WWC2: variants seen among roughly 807,000 people sequenced by gnomAD.
WWC2 encodes the protein WW and C2 domain containing 2, also known as protein WWC2.
In WWC2, 101 loss-of-function variants were observed where a neutral mutation model predicts 138.5. The ratio of observed to expected loss-of-function variants is 0.73; its 90% CI spans 0.62 to 0.86. The LOEUF (loss-of-function observed/expected upper bound fraction) is 0.86. Among genes scored for constraint, WWC2 ranks in the 40% least tolerant of loss-of-function variants. WWC2 has a pLI of 0.00. For missense variants in WWC2, 1,420 were observed against 1,419.4 expected (o/e 1.00, Z -0.01); for synonymous variants, 558 against 538.4 (o/e 1.04, Z -0.50).
intron 1 of WWC2, among the ~76,000 whole-genome samples, chr4:183,100,634 TCTC>T (rs1198331855): frequency 6.6e-6 from 1 of 152,224 alleles, no homozygotes; most frequent in Non-Finnish European, 1.5e-5. Context: ...TTTAGGTGCT[TCTC>T]CTATTTAACA....
intron 1 of WWC2, among the ~76,000 whole-genome samples, chr4:183,100,687 C>G (rs1052683264): frequency 2.0e-5 from 3 of 152,214 alleles, no homozygotes; most frequent in Non-Finnish European, 4.4e-5. Context: ...TACCTAACTA[C>G]TTTATAATCT....
intron 1 of WWC2, among the ~76,000 whole-genome samples, chr4:183,101,838 C>G (rs1224789038): frequency 6.6e-6 from 1 of 152,122 alleles, no homozygotes; most frequent in Non-Finnish European, 1.5e-5. Context: ...GTCTGCAGTA[C>G]TTTTGAACTG....
chr4:183,125,044 CG>C (rs1051031480), intron 1 of WWC2, among the ~76,000 whole-genome samples: 198 of 152,150 alleles, frequency 1.3e-3, no homozygotes, highest in African/African-American at 4.6e-3. Flanking sequence ...GGAGGGGACC[CG>C]GGGCTATGAG....
intron 1 of WWC2, among the ~76,000 whole-genome samples, chr4:183,159,161 T>G (rs1049288897): frequency 1.3e-5 from 2 of 152,240 alleles, no homozygotes; most frequent in Non-Finnish European, 2.9e-5. Context: ...CCAAATTTTG[T>G]GTTTTTAAAA....
intron 21 of WWC2, among the ~76,000 whole-genome samples, chr4:183,305,643 T>G (rs79771053): frequency 0.014 from 2,180 of 152,174 alleles, 29 homozygotes; most frequent in Non-Finnish European, 0.023. Flanking sequence ...GAAACCAACC[T>G]AGAATTCTGT....
intron 1 of WWC2, among the ~76,000 whole-genome samples, chr4:183,163,780 G>A (rs896384954): frequency 1.3e-5 from 2 of 152,066 alleles, no homozygotes; most frequent in African/African-American, 2.4e-5. Flanking sequence ...AAGAGATGGT[G>A]GGTATTTTCT....
chr4:183,208,266 G>T, intron 3 of WWC2, 110 bp downstream of exon 3: 1 of 1,169,364 alleles, frequency 8.6e-7, no homozygotes, highest in South Asian at 1.6e-5. Flanking sequence ...TCCCTCCTAA[G>T]CAGGAAGAGT....
At chr4:183,196,837 A>AC (rs1180843693) in intron 2 of WWC2, among the ~76,000 whole-genome samples, 1 of 150,860 alleles carries the variant, frequency 6.6e-6, no homozygotes, top group Non-Finnish European at 1.5e-5. Context: ...TCTGATACCC[A>AC]CCCCTCCACC....
intron 21 of WWC2, among the ~76,000 whole-genome samples, chr4:183,310,832 T>A (rs1490720950): frequency 7.9e-5 from 9 of 113,428 alleles, no homozygotes; most frequent in Admixed American, 1.9e-4. Flanking sequence ...TGGCATATTG[T>A]AAAAAAAAAA....
chr4:183,110,133 CACTCAATA>C (rs1732187638), intron 1 of WWC2, among the ~76,000 whole-genome samples: 1 of 152,206 alleles, frequency 6.6e-6, no homozygotes, highest in African/African-American at 2.4e-5. Context: ...CAACCCCAGT[CACTCAATA>C]AAGTTACCAG....
At chr4:183,184,312 A>G (rs1210488964) in intron 1 of WWC2, among the ~76,000 whole-genome samples, 1 of 152,164 alleles carries the variant, frequency 6.6e-6, no homozygotes, top group Non-Finnish European at 1.5e-5. Flanking sequence ...TAAGTACTTC[A>G]TTCTTTTTTA....
chr4:183,307,786 T>C (rs976632776), intron 21 of WWC2, among the ~76,000 whole-genome samples: 3 of 152,250 alleles, frequency 2.0e-5, no homozygotes, highest in African/African-American at 7.2e-5. Flanking sequence ...GAAGCTTTCC[T>C]GCTAAGACTA....
chr4:183,147,727 A>AT (rs1475472000), intron 1 of WWC2, among the ~76,000 whole-genome samples: 11 of 152,336 alleles, frequency 7.2e-5, no homozygotes, highest in African/African-American at 2.4e-4. Context: ...GTTATGAGAG[A>AT]TTTTGAGTGA....
chr4:183,209,484 G>A (rs570941545), intron 4 of WWC2, among the ~76,000 whole-genome samples: 1 of 152,240 alleles, frequency 6.6e-6, no homozygotes, highest in South Asian at 2.1e-4. Context: ...TTATCTGCCC[G>A]CCTTAGCCTC....
chr4:183,125,794 CCT>C (rs1351787544), intron 1 of WWC2, among the ~76,000 whole-genome samples: 1 of 152,196 alleles, frequency 6.6e-6, no homozygotes, highest in Non-Finnish European at 1.5e-5. Flanking sequence ...TTCCCATGTT[CCT>C]CTCTCCATGT....
At chr4:183,263,398 G>T (rs1560874050) in intron 11 of WWC2, among the ~76,000 whole-genome samples, 1 of 152,210 alleles carries the variant, frequency 6.6e-6, no homozygotes, top group Non-Finnish European at 1.5e-5. Flanking sequence ...GTTGGCCCAT[G>T]CCTTGCTCCT....
At chr4:183,212,560 A>G (rs1735628851) in intron 4 of WWC2, among the ~76,000 whole-genome samples, 1 of 152,198 alleles carries the variant, frequency 6.6e-6, no homozygotes, top group African/African-American at 2.4e-5. Context: ...TCAGCAAGTT[A>G]TTATTACTTC....
intron 1 of WWC2, among the ~76,000 whole-genome samples, chr4:183,143,342 CCTT>C (rs1009012591): frequency 1.2e-4 from 18 of 152,134 alleles, no homozygotes; most frequent in Admixed American, 3.9e-4. Context: ...TTCTCATACT[CCTT>C]CTCAACAGCT....
chr4:183,185,336 T>A (rs1216642656), intron 1 of WWC2, among the ~76,000 whole-genome samples: 1 of 152,190 alleles, frequency 6.6e-6, no homozygotes, highest in Admixed American at 6.5e-5. Flanking sequence ...TTTTTTTAGC[T>A]TAAGTAGTCA....
Sources: gnomAD v4.1 joint callset for allele counts (sites outside exome capture counted in the v4.1 genomes callset) on GRCh38, gnomAD v4.1.1 for gene constraint, MANE v1.5 for transcripts, NCBI Gene and HGNC (gene_info 2026-07-23, HGNC 2026-07-21) for gene names.